The following BMERB1 variants were observed in gnomAD, a reference collection of about 807,000 sequenced individuals.
The protein encoded by BMERB1 is bMERB domain containing 1, also known as bMERB domain-containing protein 1.
In BMERB1, 12 loss-of-function variants were observed where a neutral mutation model predicts 23.6. That is an observed-to-expected ratio of 0.51 (90% CI 0.33 to 0.82). The LOEUF (loss-of-function observed/expected upper bound fraction) is 0.82, where lower values mean the gene tolerates loss of function less well. BMERB1 is among the 40% of genes least tolerant of loss of function. The pLI is 0.03. For missense variants in BMERB1, 247 were observed against 255.4 expected (o/e 0.97, Z 0.22); for synonymous variants, 122 against 96.6 (o/e 1.26, Z -1.54).
intron 3 of BMERB1, among the ~76,000 whole-genome samples, chr16:15,579,495 C>T (rs1179972839): frequency 2.0e-5 from 3 of 152,150 alleles, no homozygotes; most frequent in East Asian, 1.9e-4. Context: ...GTTCTCCTTA[C>T]CCCTGGTTCT....
At chr16:15,484,645 G>C (rs2150936656) in intron 1 of BMERB1, among the ~76,000 whole-genome samples, 1 of 152,198 alleles carries the variant, frequency 6.6e-6, no homozygotes, top group Middle Eastern at 3.4e-3. Flanking sequence ...CAGGTAATCT[G>C]CCCACCTTGG....
chr16:15,558,591 T>A (rs1420987380), intron 2 of BMERB1, among the ~76,000 whole-genome samples: 3 of 151,994 alleles, frequency 2.0e-5, no homozygotes, highest in African/African-American at 7.2e-5. Context: ...GCCCCCATAG[T>A]CCTGAAAAAC....
intron 1 of BMERB1, among the ~76,000 whole-genome samples, chr16:15,478,372 G>A (rs1330086316): frequency 6.6e-6 from 1 of 152,048 alleles, no homozygotes; most frequent in African/African-American, 2.4e-5. Flanking sequence ...TGTTGGCCAA[G>A]CTGGTCTCGA....
At chr16:15,552,256 A>G (rs1159470573) in intron 2 of BMERB1, among the ~76,000 whole-genome samples, 4 of 152,106 alleles carry the variant, frequency 2.6e-5, no homozygotes, top group Non-Finnish European at 5.9e-5. Context: ...CCTCGTCAAC[A>G]TGGTGAAACC....
intron 5 of BMERB1, among the ~76,000 whole-genome samples, chr16:15,585,627 C>T (rs922885872): frequency 2.0e-5 from 3 of 152,056 alleles, no homozygotes; most frequent in Non-Finnish European, 2.9e-5. Context: ...GTCAGGAGCT[C>T]GAGACCAGCC....
intron 2 of BMERB1, chr16:15,532,920 G>C (rs1021389722): frequency 2.3e-6 from 1 of 444,198 alleles, no homozygotes; most frequent in Non-Finnish European, 4.5e-6. Flanking sequence ...CTCGTGCCTG[G>C]TAAGTGTGTT....
chr16:15,570,292 A>T (rs1456307756), intron 3 of BMERB1, among the ~76,000 whole-genome samples: 1 of 152,204 alleles, frequency 6.6e-6, no homozygotes, highest in African/African-American at 2.4e-5. Context: ...TAGCAGAAAG[A>T]GACTGGGCCC....
At chr16:15,558,934 A>C (rs1467225597) in intron 2 of BMERB1, among the ~76,000 whole-genome samples, 1 of 151,480 alleles carries the variant, frequency 6.6e-6, no homozygotes, top group African/African-American at 2.4e-5. Context: ...AAGCCTGCCC[A>C]AGCGGAGTTT....
chr16:15,459,623 G>A (rs1367211508), intron 1 of BMERB1, among the ~76,000 whole-genome samples: 1 of 152,166 alleles, frequency 6.6e-6, no homozygotes, highest in Admixed American at 6.5e-5. Flanking sequence ...ATGAATTATA[G>A]AACCTTTACA....
At chr16:15,480,085 T>A (rs1422222835) in intron 1 of BMERB1, among the ~76,000 whole-genome samples, 1 of 150,392 alleles carries the variant, frequency 6.6e-6, no homozygotes, top group Non-Finnish European at 1.5e-5. Context: ...GAAATGTTGA[T>A]CTATGGCATG....
At chr16:15,520,008 G>A (rs146827525) in intron 2 of BMERB1, among the ~76,000 whole-genome samples, 45 of 152,182 alleles carry the variant, frequency 3.0e-4, no homozygotes, top group Middle Eastern at 3.4e-3. Context: ...GCTGTTTCCC[G>A]CGGGCACTGA....
intron 2 of BMERB1, among the ~76,000 whole-genome samples, chr16:15,547,758 A>C (rs1057344517): frequency 1.3e-5 from 2 of 152,168 alleles, no homozygotes; most frequent in Non-Finnish European, 2.9e-5. Flanking sequence ...GATGTTCTTC[A>C]TTGAGATAAT....
intron 5 of BMERB1, 110 bp from the exon 6 acceptor site, chr16:15,586,607 G>A: frequency 1.2e-6 from 1 of 846,562 alleles, no homozygotes; most frequent in Non-Finnish European, 2.0e-6. Context: ...AACAAGACCT[G>A]GCCAGGGGTT....
intron 1 of BMERB1, among the ~76,000 whole-genome samples, chr16:15,500,096 G>A (rs770228072): frequency 6.6e-6 from 1 of 152,164 alleles, no homozygotes; most frequent in Non-Finnish European, 1.5e-5. Flanking sequence ...GTTTTCTGGT[G>A]CCTTTGCTCA....
intron 2 of BMERB1, 128 bp from the exon 3 acceptor site, chr16:15,567,855 C>T: frequency 1.3e-6 from 1 of 742,654 alleles, no homozygotes; most frequent in Admixed American, 2.9e-5. Context: ...AAAACCTCTA[C>T]AATGAGCATG....
chr16:15,541,856 C>T (rs2052085881), intron 2 of BMERB1, among the ~76,000 whole-genome samples: 1 of 151,524 alleles, frequency 6.6e-6, no homozygotes, highest in African/African-American at 2.4e-5. Context: ...CCCGCCTCGG[C>T]CTCCCAAAGT....
In BMERB1 at chr16:15,469,916, A is replaced by C. The variant is rs7499020; in HGVS notation, c.106+35157A>C. On this transcript the variant is annotated intron_variant, in intron 1 of 5. Transcript: ENST00000300006. ...TATTGGAGATCTACGTAGACACTTAAGTCATCTGCAAATAGGGACAGTTTT... is the reference window on the plus strand; with the variant it reads ...TATTGGAGATCTACGTAGACACTTACGTCATCTGCAAATAGGGACAGTTTT... 1.2e-4 allele frequency among the ~76,000 whole-genome samples: 19 copies of C among 152,220 alleles called. No individual in the cohort carries two copies. The South Asian group carries it at 1.7e-3, about 13-fold the overall frequency.
At chr16:15,462,216 A>C (rs1437656976) in intron 1 of BMERB1, among the ~76,000 whole-genome samples, 1 of 123,380 alleles carries the variant, frequency 8.1e-6, no homozygotes, top group Non-Finnish European at 1.5e-5. Flanking sequence ...CAATGGCGCC[A>C]TCTTGGCTCA....
chr16:15,510,634 G>A (rs537167661), intron 1 of BMERB1, among the ~76,000 whole-genome samples: 7 of 152,204 alleles, frequency 4.6e-5, no homozygotes, highest in African/African-American at 1.4e-4. Context: ...CTCAAACCCA[G>A]GCCATCTGAT....
Sources: gnomAD v4.1 joint callset for allele counts (sites outside exome capture counted in the v4.1 genomes callset) on GRCh38, gnomAD v4.1.1 for gene constraint, MANE v1.5 for transcripts, NCBI Gene and HGNC (gene_info 2026-07-23, HGNC 2026-07-21) for gene names.